The following SLC44A3 variants were observed in gnomAD, a reference collection of about 807,000 sequenced individuals.
SLC44A3 encodes solute carrier family 44 member 3.
Under a neutral mutation model 75.4 loss-of-function variants are expected in SLC44A3, and 74 were observed. The observed-to-expected ratio is 0.98, with a 90% CI of 0.81 to 1.19. The LOEUF is 1.19. SLC44A3 is among the 50% of genes most tolerant of loss of function. The pLI is 0.00. For synonymous variants in SLC44A3, 310 were observed against 296.9 expected (o/e 1.04, Z -0.45); for missense variants, 700 against 778.6 (o/e 0.90, Z 1.20).
At chr1:94,881,738 G>A (rs1286654773) in intron 12 of SLC44A3, among the ~76,000 whole-genome samples, 2 of 150,136 alleles carry the variant, frequency 1.3e-5, no homozygotes, top group Non-Finnish European at 3.0e-5. Context: ...TGCCGGGCAC[G>A]TTGGCTCATG....
rs1234382908 is a variant in SLC44A3 at position 94,857,350 on chromosome 1, T to C, written c.1088T>C (p.Met363Thr). ...GAAACTTTAGGAGCTGCCCAGGTTATGGAAGGCGGCCAAGTGGAATATAAG... is the reference window on the plus strand; with the variant it reads ...GAAACTTTAGGAGCTGCCCAGGTTACGGAAGGCGGCCAAGTGGAATATAAG... ...SLGTAGAAQVMEGGQVEYKPL... is the reference protein window; with the variant it reads ...SLGTAGAAQVTEGGQVEYKPL... The change falls in exon 10 of 15, where the codon ATG (methionine) becomes ACG (threonine). Residue 363 changes from methionine to threonine, a missense_variant. Physicochemically the swap from Met to Thr is moderately conservative, Grantham distance 81. Coordinates refer to ENST00000271227, the MANE Select transcript of SLC44A3 (RefSeq NM_001114106.3). 2 of 1,609,418 alleles carry C rather than the reference T, an allele frequency of 1.2e-6. No individual in the cohort carries two copies. Among genetic ancestry groups the C allele is most frequent in the South Asian group, 2.2e-5 (2 of 89,738 alleles).
At chr1:94,885,750 G>A (rs1055944208) in intron 12 of SLC44A3, among the ~76,000 whole-genome samples, 8 of 152,224 alleles carry the variant, frequency 5.3e-5, no homozygotes, top group Non-Finnish European at 5.9e-5. Flanking sequence ...TCGGGTTGGA[G>A]TTAAGAGGAC....
rs1340176389 is a variant in SLC44A3, at chr1:94,840,120, T to G, written c.760+83T>G. ...AAGTACAGAACTTAAAAGTTGGCAT[T>G]TTTAAGCTACATGGAGTCTTAAAGA... On this transcript the variant is annotated intron_variant, in intron 7 of 14. Transcript: ENST00000271227. 3.2e-6 allele frequency: 4 copies of G among 1,239,116 alleles called. No individual in the cohort carries two copies. The Admixed American group carries it at 6.9e-5, about 21-fold the overall frequency. 76.8% of individuals were successfully genotyped at this position (1,239,116 alleles called of 1,614,324 possible).
At chr1:94,844,847 A>T (rs1394283453) in intron 8 of SLC44A3, among the ~76,000 whole-genome samples, 9 of 152,182 alleles carry the variant, frequency 5.9e-5, no homozygotes, top group Non-Finnish European at 8.8e-5. Context: ...AAATGTTTAT[A>T]TGCAGGGAGG....
chr1:94,832,969 CT>C (rs5776239), intron 5 of SLC44A3, among the ~76,000 whole-genome samples: 25 of 148,706 alleles, frequency 1.7e-4, no homozygotes, highest in Admixed American at 4.0e-4. Context: ...CCTGTCTCAA[CT>C]TTTTTTTTTT....
chr1:94,850,213 CA>C (rs1164593701), intron 9 of SLC44A3, among the ~76,000 whole-genome samples: 3 of 151,938 alleles, frequency 2.0e-5, no homozygotes, highest in Non-Finnish European at 2.9e-5. Flanking sequence ...TTCAGCAGGT[CA>C]TATCAAGCCC....
chr1:94,836,529 C>T (rs6662111), intron 5 of SLC44A3, among the ~76,000 whole-genome samples: 2,333 of 152,278 alleles, frequency 0.015, 61 homozygotes, highest in African/African-American at 0.054. Context: ...CTGTCTCATC[C>T]AGTTCACATC....
At chr1:94,884,975 G>A (rs1000582989) in intron 12 of SLC44A3, among the ~76,000 whole-genome samples, 2 of 152,152 alleles carry the variant, frequency 1.3e-5, no homozygotes, top group East Asian at 1.9e-4. Flanking sequence ...GCCAGGCGCA[G>A]TGGCTCACGC....
In SLC44A3 at chr1:94,828,493, G is replaced by A. The variant is rs764458954; in HGVS notation, c.416G>A (p.Gly139Glu). Residue 139 changes from glycine (G) to glutamate (E), a missense_variant and splice_region_variant, in exon 5 of 15, where the codon GGG (glycine) becomes GAG (glutamate). Gly to Glu is a moderately conservative substitution (Grantham distance 98, BLOSUM62 -2). Coordinates refer to ENST00000271227, the MANE Select transcript of SLC44A3 (RefSeq NM_001114106.3). ...TAATGTCTGTGTGTTCTGCTTCCAG[G>A]GTCCTTCCTGTGTGTTTATAGTTTG... Reference protein sequence around the residue: ...EEVQFFANTSGSFLCVYSLNS... With the variant: ...EEVQFFANTSESFLCVYSLNS... The A allele has an allele frequency of 3.7e-6, 6 of 1,612,822 alleles. No homozygotes were observed. The highest frequency in any genetic ancestry group is 1.7e-4 in the Middle Eastern group (1 of 6,060).
intron 9 of SLC44A3, among the ~76,000 whole-genome samples, chr1:94,853,031 A>G (rs1023509355): frequency 1.3e-5 from 2 of 152,252 alleles, no homozygotes; most frequent in Non-Finnish European, 2.9e-5. Flanking sequence ...ACTTGGGAAC[A>G]TATTAATAGT....
At chr1:94,852,527 G>T (rs995532379) in intron 9 of SLC44A3, among the ~76,000 whole-genome samples, 1 of 152,186 alleles carries the variant, frequency 6.6e-6, no homozygotes, top group African/African-American at 2.4e-5. Context: ...GGGGAGTCAG[G>T]GTGCACACAG....
intron 5 of SLC44A3, among the ~76,000 whole-genome samples, chr1:94,831,697 T>C (rs969421265): frequency 1.3e-5 from 2 of 152,252 alleles, no homozygotes; most frequent in African/African-American, 2.4e-5. Context: ...AAATTCTAGT[T>C]CTACTCTCCC....
intron 8 of SLC44A3, chr1:94,843,457 T>G (rs1270552149): frequency 6.6e-6 from 1 of 152,186 alleles, no homozygotes. Flanking sequence ...TCTGGGTGTC[T>G]TGCGGGGCCT....
At chr1:94,867,232 A>C in intron 11 of SLC44A3, 99 bp from the exon 12 acceptor site, 2 of 943,890 alleles carry the variant, frequency 2.1e-6, no homozygotes, top group Non-Finnish European at 3.1e-6. Flanking sequence ...GTGTTTCCCC[A>C]GGTGCATAAG....
chr1:94,849,311 G>A (rs1346486174), intron 9 of SLC44A3, among the ~76,000 whole-genome samples: 1 of 152,134 alleles, frequency 6.6e-6, no homozygotes, highest in Non-Finnish European at 1.5e-5. Flanking sequence ...GTCGATTTTA[G>A]GCTTCTCAGG....
rs145557143 is a variant in SLC44A3 at position 94,872,827 on chromosome 1, T to C, written c.1482+5410T>C. 1.2e-3 allele frequency among the ~76,000 whole-genome samples: 186 copies of C among 152,320 alleles called. 1 individual carries two copies. The highest frequency in any genetic ancestry group is 4.4e-3 in the African/African-American group (182 of 41,576). Reference sequence around the variant, plus strand: ...GAAATGGGGGGAGAGTGGAAAACAATATGAGCTGTTTGTTTTCCTGTGGTG... The same window carrying C: ...GAAATGGGGGGAGAGTGGAAAACAACATGAGCTGTTTGTTTTCCTGTGGTG... On this transcript the variant is annotated intron_variant, in intron 12 of 14. Coordinates refer to ENST00000271227, the MANE Select transcript of SLC44A3 (RefSeq NM_001114106.3).
intron 9 of SLC44A3, among the ~76,000 whole-genome samples, chr1:94,848,952 G>A (rs944955269): frequency 3.3e-5 from 5 of 152,108 alleles, no homozygotes; most frequent in African/African-American, 9.7e-5. Context: ...AGCACAAGGA[G>A]AGGACCTGGC....
chr1:94,830,423 G>A (rs1661968935), intron 5 of SLC44A3, among the ~76,000 whole-genome samples: 1 of 152,142 alleles, frequency 6.6e-6, no homozygotes, highest in African/African-American at 2.4e-5. Context: ...ATGTTGGCCA[G>A]GATGGTCTTG....
intron 7 of SLC44A3, among the ~76,000 whole-genome samples, chr1:94,841,498 G>A (rs1017488162): frequency 6.6e-6 from 1 of 152,144 alleles, no homozygotes; most frequent in African/African-American, 2.4e-5. Flanking sequence ...CCTAAATGTG[G>A]AGTACTTGCA....
Sources: allele counts gnomAD v4.1 joint callset (sites outside exome capture counted in the v4.1 genomes callset), GRCh38; gene constraint gnomAD v4.1.1; transcripts MANE v1.5; gene names NCBI Gene and HGNC (gene_info 2026-07-23, HGNC 2026-07-21).